CDC5L: variants seen among roughly 807,000 people sequenced by gnomAD.
CDC5L encodes the protein cell division cycle 5-like protein.
Under a neutral mutation model 104.1 loss-of-function variants are expected in CDC5L, and 18 were observed. The observed-to-expected ratio is 0.17, with a 90% confidence interval of 0.12 to 0.26. CDC5L has a LOEUF of 0.26. CDC5L is among the 10% of genes least tolerant of loss of function. The pLI is 1.00. For synonymous variants in CDC5L, 331 were observed against 322.7 expected (o/e 1.03, Z -0.28); for missense variants, 673 against 956.9 (o/e 0.70, Z 3.91).
intron 6 of CDC5L, among the ~76,000 whole-genome samples, chr6:44,404,553 C>T (rs1791275563): frequency 6.6e-6 from 1 of 152,104 alleles, no homozygotes; most frequent in South Asian, 2.1e-4. Context: ...CTGTTTATGG[C>T]TCTTGAGTTG....
At chr6:44,388,196 A>T (rs1199982730) in intron 1 of CDC5L, among the ~76,000 whole-genome samples, 4 of 120,488 alleles carry the variant, frequency 3.3e-5, no homozygotes, top group African/African-American at 1.3e-4. Context: ...GTTCCAACTC[A>T]GCCAGAGTTG....
intron 14 of CDC5L, among the ~76,000 whole-genome samples, chr6:44,440,009 T>C (rs1271972434): frequency 6.6e-6 from 1 of 152,166 alleles, no homozygotes; most frequent in Non-Finnish European, 1.5e-5. Flanking sequence ...GCCATGGAAC[T>C]TGGTTTGATT....
At position 44,447,467 on chromosome 6, in the gene CDC5L, C is replaced by G. The variant is rs548124232; in HGVS notation, c.*756C>G. 10 of 152,286 alleles carry G rather than the reference C, an allele frequency of 6.6e-5. No homozygotes were observed. Among genetic ancestry groups the G allele is most frequent in the African/African-American group, 2.2e-4 (9 of 41,550 alleles). The allele number at this position is 152,286 out of a possible 1,614,324, so 9.4% of individuals were successfully genotyped here. A position where few individuals can be genotyped will look rare whatever the true frequency, so the allele number is the denominator to read the frequency against. On this transcript the variant is annotated 3_prime_UTR_variant, in exon 16 of 16. Coordinates refer to ENST00000371477, the MANE Select transcript of CDC5L (RefSeq NM_001253.4). ...TATGTTTAGCCTAAGAAGTCAGTTA[C>G]ATCAGTGTAGAATTTGGGGAATGGA... is the stretch of plus-strand genomic sequence containing the variant.
chr6:44,415,725 C>G (rs1288066677), intron 8 of CDC5L, among the ~76,000 whole-genome samples: 1 of 152,188 alleles, frequency 6.6e-6, no homozygotes, highest in Non-Finnish European at 1.5e-5. Flanking sequence ...CTTAGGCACA[C>G]ATGTCCTAGC....
intron 2 of CDC5L, 136 bp downstream of exon 2, chr6:44,390,507 G>A (rs1393621270): frequency 1.3e-5 from 8 of 634,326 alleles, no homozygotes; most frequent in African/African-American, 1.9e-5. Flanking sequence ...TGGAAGTTGG[G>A]TGTTTGACTT....
chr6:44,440,608 A>AT (rs367646432), intron 14 of CDC5L, among the ~76,000 whole-genome samples: 126 of 151,634 alleles, frequency 8.3e-4, no homozygotes, highest in Non-Finnish European at 6.8e-4. Flanking sequence ...GTAAGATGTG[A>AT]TTTTTTCCAT....
intron 10 of CDC5L, among the ~76,000 whole-genome samples, chr6:44,423,156 C>T (rs926958846): frequency 6.6e-6 from 1 of 151,970 alleles, no homozygotes; most frequent in African/African-American, 2.4e-5. Flanking sequence ...TTATCTAATG[C>T]CACAGAAATC....
In CDC5L at chr6:44,403,978, G is replaced by A. The variant is rs368546991; in HGVS notation, c.709G>A (p.Ala237Thr). The A allele has an allele frequency of 7.4e-6, 12 of 1,612,592 alleles. No homozygotes were observed. Among genetic ancestry groups the A allele is most frequent in the Middle Eastern group, 3.3e-4 (2 of 6,080 alleles). Reference sequence around the variant, plus strand: ...TGAGGAAAACTACCAAGCTCTTGACGCAGATTTCAGGAAATTAAGACAACA... The same window carrying A: ...TGAGGAAAACTACCAAGCTCTTGACACAGATTTCAGGAAATTAAGACAACA... ...TSEENYQALD[A>T]DFRKLRQQDL... The change falls in exon 6 of 16, where the codon GCA becomes ACA. Residue 237 changes from alanine (A) to threonine (T), a missense_variant. This residue lies in a region of CDC5L where 578 missense variants were observed against 737.0 expected (regional missense o/e 0.78). Transcript: ENST00000371477.
At chr6:44,443,764 C>T (rs759359192) in intron 14 of CDC5L, among the ~76,000 whole-genome samples, 3 of 150,308 alleles carry the variant, frequency 2.0e-5, no homozygotes, top group Non-Finnish European at 4.4e-5. Flanking sequence ...CGGTGAGCAT[C>T]TTTGTGACCA....
intron 13 of CDC5L, 58 bp from the exon 14 acceptor site, chr6:44,429,655 T>A (rs1327484168): frequency 8.6e-5 from 127 of 1,480,314 alleles, no homozygotes; most frequent in Non-Finnish European, 1.1e-4. Flanking sequence ...TCTAAAGCTC[T>A]CTGGATATGG....
chr6:44,406,422 T>G lies in CDC5L; in HGVS notation c.858T>G (p.Ser286=). The change falls in exon 7 of 16, where the codon TCT becomes TCG. Residue 286 remains serine, a synonymous_variant. Transcript: ENST00000371477. The part of the protein sequence containing the change: ...PSAILQTSGV[S]EFTKKRSKLV... The stretch of plus-strand genomic sequence containing the variant: ...CTATTCTTCAAACTAGTGGTGTTTC[T>G]GAATTTACTAAAAAGAGAAGCAAAC... The G allele has an allele frequency of 6.2e-7, 1 of 1,611,588 alleles. No homozygotes were observed.
At chr6:44,438,255 G>C (rs573667201) in intron 14 of CDC5L, among the ~76,000 whole-genome samples, 3 of 152,314 alleles carry the variant, frequency 2.0e-5, no homozygotes, top group African/African-American at 4.8e-5. Context: ...GGCTGAACAT[G>C]TTAAATTATA....
intron 5 of CDC5L, among the ~76,000 whole-genome samples, chr6:44,400,115 G>A (rs1791052396): frequency 6.6e-6 from 1 of 151,964 alleles, no homozygotes; most frequent in African/African-American, 2.4e-5. Context: ...ATGCAACGTT[G>A]TTATCATACC....
chr6:44,403,778 G>C, intron 5 of CDC5L, 31 bp from the exon 6 acceptor site: 1 of 1,483,088 alleles, frequency 6.7e-7, no homozygotes, highest in Non-Finnish European at 9.3e-7. Flanking sequence ...CATGGCATAT[G>C]ATTTTCAAAG....
At chr6:44,423,856 T>G (rs1024505308) in intron 10 of CDC5L, among the ~76,000 whole-genome samples, 13 of 152,316 alleles carry the variant, frequency 8.5e-5, no homozygotes, top group Middle Eastern at 3.4e-3. Context: ...AAACTAACTT[T>G]TGAACCTGTT....
intron 10 of CDC5L, among the ~76,000 whole-genome samples, 198 bp from the exon 11 acceptor site, chr6:44,424,221 C>T (rs891788518): frequency 6.6e-6 from 1 of 151,976 alleles, no homozygotes; most frequent in South Asian, 2.1e-4. Context: ...ATAATCATAT[C>T]GTGGAAAATG....
At chr6:44,392,375 A>G (rs1340366835) in intron 2 of CDC5L, among the ~76,000 whole-genome samples, 4 of 152,212 alleles carry the variant, frequency 2.6e-5, no homozygotes, top group African/African-American at 9.6e-5. Flanking sequence ...AAATTTCTAG[A>G]AAAGCGTAAA....
rs570631145 is a variant in CDC5L at position 44,447,597 on chromosome 6, A to G, written c.*886A>G. 13 of 152,282 alleles carry G rather than the reference A, an allele frequency of 8.5e-5. No individual in the cohort carries two copies. The East Asian group carries it at 2.5e-3, about 29-fold the overall frequency. 9.4% of individuals were successfully genotyped at this position (152,282 alleles called of 1,614,324 possible). A position where few individuals can be genotyped will look rare whatever the true frequency, so the allele number is the denominator to read the frequency against. ...AGACTAGCAATGTTTTGACATCACC[A>G]AAAACGTTTGCCCAGTCTTAGAATA... On this transcript the variant is annotated 3_prime_UTR_variant, in exon 16 of 16. Transcript: ENST00000371477.
intron 14 of CDC5L, among the ~76,000 whole-genome samples, chr6:44,435,943 G>A (rs150584599): frequency 6.6e-6 from 1 of 151,836 alleles, no homozygotes; most frequent in South Asian, 2.1e-4. Context: ...CACCACGCTC[G>A]GCTAATTTTT....
Sources: gnomAD v4.1 joint callset for allele counts (sites outside exome capture counted in the v4.1 genomes callset) on GRCh38, gnomAD v4.1.1 for gene constraint, gnomAD v4.1.1 regional missense constraint, MANE v1.5 for transcripts, NCBI Gene and HGNC (gene_info 2026-07-23, HGNC 2026-07-21) for gene names.